Variants in ROCK1 observed in about 807,000 individuals in gnomAD.
ROCK1 encodes the protein Rho associated coiled-coil containing protein kinase 1, also known as rho-associated protein kinase 1.
ROCK1 carries 36 observed loss-of-function variants against 196.8 expected under a neutral mutation model. The observed-to-expected ratio is 0.18, with a 90% CI of 0.14 to 0.24. The LOEUF is 0.24. Among genes scored for constraint, ROCK1 ranks in the 10% least tolerant of loss-of-function variants. The pLI, the probability that ROCK1 is intolerant of heterozygous loss-of-function variation, is 1.00. For missense variants in ROCK1, 920 were observed against 1,562.0 expected, an observed-to-expected ratio of 0.59 and a Z score of 6.93; for synonymous variants, 443 against 515.9, an observed-to-expected ratio of 0.86 and a Z score of 1.91.
At chr18:21,007,534 T>C (rs1395693654) in intron 14 of ROCK1, among the ~76,000 whole-genome samples, 1 of 152,216 alleles carries the variant, frequency 6.6e-6, no homozygotes, top group Non-Finnish European at 1.5e-5. Context: ...TAGCCTTGTG[T>C]ATATATCAGT....
At chr18:21,020,558 C>A (rs1209723282) in intron 11 of ROCK1, among the ~76,000 whole-genome samples, 1 of 152,024 alleles carries the variant, frequency 6.6e-6, no homozygotes, top group Non-Finnish European at 1.5e-5. Context: ...CAAAATATTA[C>A]AATAGACTGT....
intron 11 of ROCK1, among the ~76,000 whole-genome samples, chr18:21,022,843 G>GGT (rs768524470): frequency 8.6e-5 from 13 of 151,956 alleles, no homozygotes; most frequent in Non-Finnish European, 1.3e-4. Context: ...GCAAAAATAT[G>GGT]GTGTGTGTGT....
chr18:21,070,465 T>A, intron 2 of ROCK1, 67 bp downstream of exon 2: 2 of 804,768 alleles, frequency 2.5e-6, no homozygotes, highest in African/African-American at 1.8e-5. Context: ...AAATAAGGGC[T>A]TGAATGACAT....
chr18:20,975,767 C>T (rs1330727134), intron 22 of ROCK1, among the ~76,000 whole-genome samples: 5 of 152,186 alleles, frequency 3.3e-5, no homozygotes, highest in South Asian at 2.1e-4. Flanking sequence ...CCTGCCACCA[C>T]GCCCGGCTAA....
In ROCK1 at chr18:21,101,639, G is replaced by A. The variant is rs1174062079; in HGVS notation, c.93+9179C>T. ...AACATGCAGGGGAAGGGGAGTTGGA[G>A]AAGTTGGGGGAATGAGATTTCTCTA... On this transcript the variant is annotated intron_variant, in intron 1 of 32. Coordinates refer to ENST00000399799, the MANE Select transcript of ROCK1 (RefSeq NM_005406.3). Among the ~76,000 whole-genome samples the A allele has an allele frequency of 2.0e-5, 3 of 152,328 alleles. No individual in the cohort carries two copies. In the East Asian group the frequency reaches 5.8e-4, roughly 29 times the overall value.
chr18:20,972,913 CTT>C (rs1203626159), intron 22 of ROCK1, among the ~76,000 whole-genome samples: 5 of 152,212 alleles, frequency 3.3e-5, no homozygotes, highest in African/African-American at 9.6e-5. Flanking sequence ...CAGTTTCGCT[CTT>C]GTTGCCCAGG....
In ROCK1 at chr18:20,979,135, C is replaced by T. The variant is rs191700685; in HGVS notation, c.2654+775G>A. The stretch of plus-strand genomic sequence containing the variant: ...TTGGAGATGGGGTCTCATTATGTTG[C>T]CCAGGCTGGTCTTGAACTCTTGGGC... On this transcript the variant is annotated intron_variant, in intron 22 of 32. Transcript: ENST00000399799. Among the ~76,000 whole-genome samples, 96 of 152,142 alleles carry T rather than the reference C, an allele frequency of 6.3e-4. No homozygotes were observed. In the Middle Eastern group the frequency reaches 0.014, roughly 22 times the overall value.
Position 20,969,136 on chromosome 18 carries a change from T to C in ROCK1, c.2893A>G (p.Lys965Glu), listed in dbSNP as rs1413020399. 2.5e-6 allele frequency: 4 copies of C among 1,598,132 alleles called. No homozygotes were observed. Among genetic ancestry groups the C allele is most frequent in the Admixed American group, 3.3e-5 (2 of 59,840 alleles). Residue 965 changes from lysine to glutamate, a missense_variant, in exon 24 of 33, where the codon AAA (lysine) becomes GAA (glutamate). Physicochemically the swap from Lys to Glu is moderately conservative, Grantham distance 56 (BLOSUM62 1). Coordinates refer to ENST00000399799, the MANE Select transcript of ROCK1 (RefSeq NM_005406.3). ...ATACCTTCCTCTGCCTTCTTCATTT[T>C]CTCTGTTAGCTCTTCATTCTCTCTT... Reference protein sequence around the residue: ...LRRENEELTEKMKKAEEEYKL... With the variant: ...LRRENEELTEEMKKAEEEYKL...
intron 1 of ROCK1, among the ~76,000 whole-genome samples, chr18:21,099,645 T>C (rs1337070319): frequency 6.6e-6 from 1 of 152,112 alleles, no homozygotes; most frequent in Non-Finnish European, 1.5e-5. Flanking sequence ...CTCAGGAAAC[T>C]GAAGTGAGAG....
chr18:21,104,369 G>A (rs1481369268), intron 1 of ROCK1, among the ~76,000 whole-genome samples: 7 of 152,054 alleles, frequency 4.6e-5, no homozygotes, highest in South Asian at 2.1e-4. Flanking sequence ...AGGCTGAGGC[G>A]GGCGGATCAC....
chr18:20,997,296 C>G (rs1377753772), intron 16 of ROCK1, among the ~76,000 whole-genome samples: 3 of 152,002 alleles, frequency 2.0e-5, no homozygotes, highest in East Asian at 1.9e-4. Context: ...AACAGATATT[C>G]CATGCCAATT....
At chr18:21,103,031 T>C (rs1017122955) in intron 1 of ROCK1, among the ~76,000 whole-genome samples, 2 of 152,184 alleles carry the variant, frequency 1.3e-5, no homozygotes, top group African/African-American at 4.8e-5. Context: ...TATCAGACTT[T>C]GGACGTTAAT....
chr18:21,083,761 C>T (rs1483330370), intron 1 of ROCK1, among the ~76,000 whole-genome samples: 2 of 152,176 alleles, frequency 1.3e-5, no homozygotes, highest in Non-Finnish European at 2.9e-5. Flanking sequence ...ATACAAAATA[C>T]GTGTTGTTAA....
At chr18:20,967,471 A>T (rs2035384917) in intron 26 of ROCK1, among the ~76,000 whole-genome samples, 1 of 152,214 alleles carries the variant, frequency 6.6e-6, no homozygotes, top group South Asian at 2.1e-4. Flanking sequence ...ATTTTGTTCT[A>T]TTAACAAGCC....
intron 1 of ROCK1, among the ~76,000 whole-genome samples, chr18:21,091,205 T>C (rs1342446331): frequency 6.6e-6 from 1 of 152,068 alleles, no homozygotes; most frequent in Non-Finnish European, 1.5e-5. Context: ...AAGACCTTTA[T>C]GAGATCTACC....
chr18:20,994,013 C>A (rs1464160056), intron 16 of ROCK1, among the ~76,000 whole-genome samples: 1 of 152,120 alleles, frequency 6.6e-6, no homozygotes, highest in Non-Finnish European at 1.5e-5. Context: ...ACTCTAGTCA[C>A]CTCCCATATT....
intron 32 of ROCK1, 28 bp from the exon 33 acceptor site, chr18:20,951,415 T>G: frequency 1.3e-6 from 2 of 1,578,578 alleles, no homozygotes; most frequent in Non-Finnish European, 1.7e-6. Flanking sequence ...AAAAACTAAT[T>G]TAAGAAATGC....
chr18:20,992,793 A>G, intron 17 of ROCK1, 38 bp downstream of exon 17: 2 of 1,158,120 alleles, frequency 1.7e-6, no homozygotes, highest in Non-Finnish European at 2.6e-6. Context: ...ATCAGTAATT[A>G]CTATTTTATA....
At chr18:21,083,813 G>A (rs1319527288) in intron 1 of ROCK1, among the ~76,000 whole-genome samples, 2 of 152,138 alleles carry the variant, frequency 1.3e-5, no homozygotes, top group Non-Finnish European at 2.9e-5. Flanking sequence ...GTCAACAGCA[G>A]GCTATTAGTA....
Sources: allele counts gnomAD v4.1 joint callset (sites outside exome capture counted in the v4.1 genomes callset), GRCh38; gene constraint gnomAD v4.1.1; transcripts MANE v1.5; gene names NCBI Gene and HGNC (gene_info 2026-07-23, HGNC 2026-07-21).